The following DISC1 variants were observed in gnomAD, a reference collection of about 807,000 sequenced individuals.
The protein encoded by DISC1 is disrupted in schizophrenia 1 protein.
In DISC1, 57 loss-of-function variants were observed where a neutral mutation model predicts 84.5. The observed-to-expected ratio is 0.67, with a 90% CI of 0.55 to 0.84. The LOEUF (loss-of-function observed/expected upper bound fraction) is 0.84. DISC1 is among the 40% of genes least tolerant of loss of function. The probability of loss-of-function intolerance (pLI) is 0.00; values close to 1 mark genes in which losing one functional copy is unlikely to be tolerated. For synonymous variants in DISC1, 411 were observed against 415.2 expected (o/e 0.99, Z 0.12); for missense variants, 1,000 against 1,057.8 (o/e 0.95, Z 0.76).
intron 10 of DISC1, among the ~76,000 whole-genome samples, chr1:231,989,274 G>A (rs772191315): frequency 8.5e-5 from 13 of 152,174 alleles, no homozygotes; most frequent in Non-Finnish European, 7.3e-5. Flanking sequence ...TTCAGCTGAC[G>A]GTCCACCCAT....
Position 231,660,505 on chromosome 1 carries a change from C to T in DISC1, c.68-33321C>T, listed in dbSNP as rs866491107. On this transcript the variant is annotated intron_variant, in intron 1 of 12. Coordinates refer to ENST00000439617, the MANE Select transcript of DISC1 (RefSeq NM_018662.3). ...TTTTATATTTTTTGAGATGGAATTT[C>T]ACTCTGTGTCACCCAGGCTGGAGTG... Among the ~76,000 whole-genome samples the T allele has an allele frequency of 3.9e-5, 6 of 152,042 alleles. 1 individual carries two copies. The highest frequency in any genetic ancestry group is 2.0e-4 in the Admixed American group (3 of 15,270).
rs562990875 is a variant in DISC1, at chr1:231,832,859, A to G, written c.1981+14342A>G. Among the ~76,000 whole-genome samples, 813 of 146,600 alleles carry G rather than the reference A, an allele frequency of 5.5e-3. 17 individuals carry two copies. The highest frequency in any genetic ancestry group is 0.019 in the African/African-American group (745 of 39,054). On this transcript the variant is annotated intron_variant, in intron 9 of 12. Transcript: ENST00000439617. ...CTAGGACAGGTAAAATGGGGGAATTATAAGGAGAGTTTATAGGCTTTAAAA... is the reference window on the plus strand; with the variant it reads ...CTAGGACAGGTAAAATGGGGGAATTGTAAGGAGAGTTTATAGGCTTTAAAA...
intron 3 of DISC1, chr1:231,723,370 C>G (rs200186521): frequency 3.0e-6 from 3 of 985,692 alleles, no homozygotes; most frequent in Non-Finnish European, 3.6e-6. Flanking sequence ...AAACTCAGGT[C>G]TGTGGAACGG....
intron 8 of DISC1, among the ~76,000 whole-genome samples, chr1:231,815,477 G>T (rs773089201): frequency 2.6e-5 from 4 of 152,122 alleles, no homozygotes; most frequent in Admixed American, 6.6e-5. Context: ...GGTGGCTCAC[G>T]CCTGTAATCC....
At chr1:231,829,786 AG>A (rs1449208277) in intron 9 of DISC1, among the ~76,000 whole-genome samples, 1 of 149,840 alleles carries the variant, frequency 6.7e-6, no homozygotes, top group Non-Finnish European at 1.5e-5. Flanking sequence ...GAAGGGAGAT[AG>A]GGGTGGGGCT....
chr1:231,845,670 G>A (rs570440234), intron 9 of DISC1, among the ~76,000 whole-genome samples: 1 of 152,242 alleles, frequency 6.6e-6, no homozygotes, highest in South Asian at 2.1e-4. Context: ...TTCGGGAGCC[G>A]AACGGAGTGG....
At chr1:231,670,469 C>G (rs947155967) in intron 1 of DISC1, among the ~76,000 whole-genome samples, 2 of 152,240 alleles carry the variant, frequency 1.3e-5, no homozygotes, top group African/African-American at 4.8e-5. Context: ...GCTTGCTTCT[C>G]TGAGCCTTAA....
intron 9 of DISC1, among the ~76,000 whole-genome samples, chr1:231,886,778 T>C (rs570132147): frequency 0.019 from 1,775 of 91,976 alleles, 23 homozygotes; most frequent in African/African-American, 0.034. Context: ...TTTCTTTCTT[T>C]CTTTCTTTCT....
intron 1 of DISC1, among the ~76,000 whole-genome samples, chr1:231,671,400 G>T (rs2062605352): frequency 2.0e-5 from 3 of 151,930 alleles, no homozygotes; most frequent in African/African-American, 4.8e-5. Context: ...CTGCTTCTGA[G>T]ATGGCTTCAT....
intron 10 of DISC1, among the ~76,000 whole-genome samples, chr1:232,001,271 G>A (rs1047505987): frequency 6.6e-6 from 1 of 151,950 alleles, no homozygotes; most frequent in Non-Finnish European, 1.5e-5. Context: ...TAGAGATGGG[G>A]TTTCACCATA....
intron 1 of DISC1, among the ~76,000 whole-genome samples, chr1:231,654,875 A>T (rs188212436): frequency 1.3e-5 from 2 of 152,286 alleles, no homozygotes; most frequent in East Asian, 3.9e-4. Flanking sequence ...TGAGATGGTG[A>T]CTTCCTTGAG....
At chr1:231,776,691 A>T (rs2076990960) in intron 6 of DISC1, among the ~76,000 whole-genome samples, 1 of 152,254 alleles carries the variant, frequency 6.6e-6, no homozygotes, top group Non-Finnish European at 1.5e-5. Flanking sequence ...TGCTGATGTC[A>T]GTCCTCCTTG....
chr1:231,782,969 G>A (rs1411902807), intron 6 of DISC1, among the ~76,000 whole-genome samples: 1 of 152,048 alleles, frequency 6.6e-6, no homozygotes, highest in Non-Finnish European at 1.5e-5. Context: ...ATAAATGCAA[G>A]CAGTTCTGGG....
chr1:231,669,077 C>A (rs756675580), intron 1 of DISC1, among the ~76,000 whole-genome samples: 1 of 152,132 alleles, frequency 6.6e-6, no homozygotes, highest in Non-Finnish European at 1.5e-5. Flanking sequence ...ATAGAAGGAG[C>A]CCTTGTTCTG....
chr1:231,796,143 T>G (rs932670714), intron 7 of DISC1, among the ~76,000 whole-genome samples: 1 of 152,188 alleles, frequency 6.6e-6, no homozygotes, highest in Non-Finnish European at 1.5e-5. Context: ...AATTAAATAG[T>G]CAATGTCCTC....
rs140194795 is a variant in DISC1, at chr1:231,707,394, G to C, written c.1117+5370G>C. On this transcript the variant is annotated intron_variant, in intron 3 of 12. Transcript: ENST00000439617. Reference sequence around the variant, plus strand: ...AGGACTTTGGAGTGTTCTTGTCTGTGCTCTATAGAGCTTTCCCTTCCTTTG... The same window carrying C: ...AGGACTTTGGAGTGTTCTTGTCTGTCCTCTATAGAGCTTTCCCTTCCTTTG... Among the ~76,000 whole-genome samples, 53 of 152,246 alleles carry C rather than the reference G, an allele frequency of 3.5e-4. 1 individual carries two copies. In the East Asian group the frequency reaches 9.7e-3, roughly 28 times the overall value.
At chr1:231,855,410 A>G (rs2084199682) in intron 9 of DISC1, 1 of 985,222 alleles carries the variant, frequency 1.0e-6, no homozygotes, top group Non-Finnish European at 1.2e-6. Context: ...CCACAGTGAT[A>G]GAATGTTCCC....
At chr1:231,928,301 G>A (rs545498625) in intron 9 of DISC1, among the ~76,000 whole-genome samples, 4 of 152,326 alleles carry the variant, frequency 2.6e-5, no homozygotes, top group Non-Finnish European at 4.4e-5. Flanking sequence ...TTCTTGTCCT[G>A]TTGGGGGGCT....
At chr1:231,963,665 T>TTA (rs1660701507) in intron 10 of DISC1, among the ~76,000 whole-genome samples, 1 of 152,140 alleles carries the variant, frequency 6.6e-6, no homozygotes. Flanking sequence ...CCTTGACAGG[T>TTA]ATTATAATGT....
Sources: allele counts gnomAD v4.1 joint callset (sites outside exome capture counted in the v4.1 genomes callset), GRCh38; gene constraint gnomAD v4.1.1; transcripts MANE v1.5; gene names NCBI Gene and HGNC (gene_info 2026-07-23, HGNC 2026-07-21).